ABCC2: variants seen among roughly 807,000 people sequenced by gnomAD.
The protein encoded by ABCC2 is ATP binding cassette subfamily C member 2.
A neutral mutation model predicts 173.4 loss-of-function variants in ABCC2; 157 were observed. The observed-to-expected ratio is 0.91, with a 90% CI of 0.80 to 1.03. The LOEUF is 1.03. ABCC2 is among the 50% of genes least tolerant of loss of function. The probability of loss-of-function intolerance (pLI) is 0.00; values close to 1 mark genes in which losing one functional copy is unlikely to be tolerated. For missense variants in ABCC2, 1,822 were observed against 1,852.3 expected (o/e 0.98, Z 0.30); for synonymous variants, 657 against 693.5 (o/e 0.95, Z 0.83).
chr10:99,831,959 A>G lies in ABCC2; in HGVS notation c.3104-18A>G. On this transcript the variant is annotated intron_variant, in intron 22 of 31. Transcript: ENST00000647814. ...GGATTCCTGTGCATGGTGCTGACAA[A>G]ACTGCTTCCATCTCTAGGTATATTT... 1 of 1,614,152 alleles carries G rather than the reference A, an allele frequency of 6.2e-7. No individual in the cohort carries two copies. The highest frequency in any genetic ancestry group is 1.1e-5 in the South Asian group (1 of 91,082).
At position 99,810,818 on chromosome 10, in the gene ABCC2, A is replaced by T. The variant is rs893122849; in HGVS notation, c.1900+600A>T. On this transcript the variant is annotated intron_variant, in intron 14 of 31. Coordinates refer to ENST00000647814, the MANE Select transcript of ABCC2 (RefSeq NM_000392.5). ...GGTGGGTGGATCACCTGAGGTCAGG[A>T]GTTCGAGACAAGCCTGACCAACATG... Among the ~76,000 whole-genome samples the T allele has an allele frequency of 8.2e-4, 125 of 152,314 alleles. 1 individual carries two copies. Among genetic ancestry groups the T allele is most frequent in the East Asian group, 1.9e-4 (1 of 5,180 alleles).
At chr10:99,847,544 A>G (rs2039035572) in intron 30 of ABCC2, among the ~76,000 whole-genome samples, 1 of 151,864 alleles carries the variant, frequency 6.6e-6, no homozygotes, top group Non-Finnish European at 1.5e-5. Context: ...TGGAGGTTGC[A>G]GTGAGCCGAG....
intron 19 of ABCC2, among the ~76,000 whole-genome samples, chr10:99,829,778 C>A (rs2038707527): frequency 6.6e-6 from 1 of 152,126 alleles, no homozygotes; most frequent in Non-Finnish European, 1.5e-5. Context: ...AGGCATGCAC[C>A]ATCACACCCT....
chr10:99,851,729 A>C lies in ABCC2; in HGVS notation c.*98A>C. The C allele has an allele frequency of 8.0e-7, 1 of 1,245,636 alleles. No homozygotes were observed. Among genetic ancestry groups the C allele is most frequent in the Non-Finnish European group, 1.1e-6 (1 of 899,904 alleles). The allele number at this position is 1,245,636 out of a possible 1,614,324, so 77.2% of individuals were successfully genotyped here. ...GAATACATACAAAAGTGTGTATAAA[A>C]TGTACGTTTTAAAAAAGGATAAGTG... On this transcript the variant is annotated 3_prime_UTR_variant, in exon 32 of 32. Transcript: ENST00000647814.
Position 99,800,411 on chromosome 10 carries a change from C to T in ABCC2, c.1057C>T (p.Arg353Cys), listed in dbSNP as rs750223927. 60 of 1,613,996 alleles carry T rather than the reference C, an allele frequency of 3.7e-5. No homozygotes were observed. Among genetic ancestry groups the T allele is most frequent in the Non-Finnish European group, 4.9e-5 (58 of 1,180,028 alleles). Residue 353 changes from arginine to cysteine, a missense_variant, in exon 9 of 32, where the codon CGT (arginine) becomes TGT (cysteine). Coordinates refer to ENST00000647814, the MANE Select transcript of ABCC2 (RefSeq NM_000392.5). ...LKLLISFASD[R>C]DTYLWIGYLC... ...ATTGCTGATCTCCTTTGCAAGTGAC[C>T]GTGACACATATTTGTGGATTGGATA...
intron 2 of ABCC2, 138 bp downstream of exon 2, chr10:99,784,919 G>A (rs2037680026): frequency 1.8e-6 from 2 of 1,101,854 alleles, no homozygotes; most frequent in African/African-American, 1.6e-5. Flanking sequence ...CAGGCTCAAG[G>A]TTTCCCTCAC....
At chr10:99,817,736 G>A (rs2038448218) in intron 17 of ABCC2, among the ~76,000 whole-genome samples, 1 of 152,198 alleles carries the variant, frequency 6.6e-6, no homozygotes, top group Non-Finnish European at 1.5e-5. Context: ...ATGAGGCAAA[G>A]GCCATGAGAA....
At chr10:99,787,819 T>G (rs185531820) in intron 2 of ABCC2, among the ~76,000 whole-genome samples, 2 of 152,140 alleles carry the variant, frequency 1.3e-5, no homozygotes, top group South Asian at 2.1e-4. Flanking sequence ...TCCCAACACT[T>G]TGGGAAGCTG....
chr10:99,845,171 A>G (rs2038999721), intron 28 of ABCC2, among the ~76,000 whole-genome samples: 1 of 152,078 alleles, frequency 6.6e-6, no homozygotes. Context: ...CTGGGACTAC[A>G]GGTGCACGCC....
Position 99,784,670 on chromosome 10 carries a change from G to A in ABCC2, c.96G>A (p.Leu32=), listed in dbSNP as rs1253052762. ...DLPLCFEQTV[L]VWIPLGYLWL... is the part of the protein sequence containing the mutation. ...CACTTTGTTTTGAGCAAACTGTTCT[G>A]GTGTGGATTCCCTTGGGCTACCTAT... The change falls in exon 2 of 32, where the codon CTG becomes CTA. Residue 32 remains leucine, a synonymous_variant. Coordinates refer to ENST00000647814, the MANE Select transcript of ABCC2 (RefSeq NM_000392.5). 1 of 1,614,206 alleles carries A rather than the reference G, an allele frequency of 6.2e-7. No individual in the cohort carries two copies. The highest frequency in any genetic ancestry group is 2.2e-5 in the East Asian group (1 of 44,880).
At chr10:99,799,027 T>C (rs2037967075) in intron 7 of ABCC2, among the ~76,000 whole-genome samples, 180 bp from the exon 8 acceptor site, 1 of 151,944 alleles carries the variant, frequency 6.6e-6, no homozygotes, top group Admixed American at 6.6e-5. Flanking sequence ...CAAGTATCAG[T>C]TAGGAGCGGG....
intron 26 of ABCC2, among the ~76,000 whole-genome samples, chr10:99,843,523 T>G (rs2038975326): frequency 6.6e-6 from 1 of 152,214 alleles, no homozygotes; most frequent in African/African-American, 2.4e-5. Context: ...ACTCCACCCA[T>G]TGCCAGACTC....
intron 17 of ABCC2, 105 bp downstream of exon 17, chr10:99,817,589 G>C: frequency 1.6e-6 from 2 of 1,266,452 alleles, no homozygotes; most frequent in South Asian, 1.3e-5. Flanking sequence ...GATTAATTTA[G>C]GTAGTCATAT....
chr10:99,813,773 C>T (rs889763391), intron 16 of ABCC2, among the ~76,000 whole-genome samples: 2 of 151,698 alleles, frequency 1.3e-5, no homozygotes, highest in Non-Finnish European at 2.9e-5. Flanking sequence ...AATCATGCAT[C>T]CTGCAAAACT....
chr10:99,796,941 C>T (rs2037924334), intron 6 of ABCC2, among the ~76,000 whole-genome samples, 156 bp from the exon 7 acceptor site: 2 of 152,174 alleles, frequency 1.3e-5, no homozygotes, highest in African/African-American at 4.8e-5. Flanking sequence ...GCTGCTCTCC[C>T]CACTCCTCTG....
chr10:99,830,225 AGAG>A lies in ABCC2; in HGVS notation c.2621-77_2621-75del, dbSNP rs1250669778. 16 of 1,567,798 alleles carry A rather than the reference AGAG, an allele frequency of 1.0e-5. No individual in the cohort carries two copies. In the Middle Eastern group the frequency reaches 5.6e-4, roughly 55 times the overall value. On this transcript the variant is annotated intron_variant, in intron 19 of 31. Transcript: ENST00000647814. ...ATCCCTTGCTGAAACCAGCAAGATC[AGAG>A]GAGGCTTCTCTCTCCTTGTTCATAG...
intron 25 of ABCC2, among the ~76,000 whole-genome samples, 178 bp downstream of exon 25, chr10:99,836,468 C>T (rs898822533): frequency 6.6e-6 from 1 of 152,180 alleles, no homozygotes; most frequent in Non-Finnish European, 1.5e-5. Flanking sequence ...ACTGGGTCCC[C>T]ATGACAGCTC....
In ABCC2 at chr10:99,810,172, AG is replaced by A. The variant is rs781349168; in HGVS notation, c.1858del (p.Asp620MetfsTer38). 6.2e-6 allele frequency: 10 copies of A among 1,613,454 alleles called. No homozygotes were observed. The highest frequency in any genetic ancestry group is 8.5e-6 in the Non-Finnish European group (10 of 1,179,608). ...STERLEKYLGGDDLDTSAIRH... is the reference protein window; with the variant it reads ...STERLEKYLGXDDLDTSAIRH... ...CAGAGCGGCTAGAGAAGTACTTGGGAGGGGATGACTTGGACACATCTGCCAT... is the reference window on the plus strand; with the variant it reads ...CAGAGCGGCTAGAGAAGTACTTGGGAGGGATGACTTGGACACATCTGCCAT... On this transcript the variant is annotated frameshift_variant, in exon 14 of 32. Transcript: ENST00000647814. LOFTEE classifies it high-confidence loss of function.
At chr10:99,812,434 C>T (rs2038231975) in intron 15 of ABCC2, among the ~76,000 whole-genome samples, 1 of 152,200 alleles carries the variant, frequency 6.6e-6, no homozygotes, top group South Asian at 2.1e-4. Flanking sequence ...GGCTGGCACA[C>T]ACAGTTTCCG....
Sources: gnomAD v4.1 joint callset for allele counts (sites outside exome capture counted in the v4.1 genomes callset) on GRCh38, gnomAD v4.1.1 for gene constraint, MANE v1.5 for transcripts, NCBI Gene and HGNC (gene_info 2026-07-23, HGNC 2026-07-21) for gene names.